MBD2: variants seen among roughly 807,000 people sequenced by gnomAD.
MBD2 encodes methyl-CpG-binding domain protein 2.
MBD2 carries 9 observed loss-of-function variants against 39.3 expected under a neutral mutation model. The observed-to-expected ratio is 0.23, with a 90% CI of 0.14 to 0.40. MBD2 has a LOEUF of 0.40. MBD2 is among the 10% of genes least tolerant of loss of function. The pLI, the probability that MBD2 is intolerant of heterozygous loss-of-function variation, is 1.00. For missense variants in MBD2, 458 were observed against 532.6 expected, an observed-to-expected ratio of 0.86 and a Z score of 1.38; for synonymous variants, 233 against 211.1, an observed-to-expected ratio of 1.10 and a Z score of -0.90.
At chr18:54,167,342 T>C (rs645961) in intron 3 of MBD2, among the ~76,000 whole-genome samples, 6,474 of 152,150 alleles carry the variant, frequency 0.043, 431 homozygotes, top group African/African-American at 0.15. Flanking sequence ...GCTGCAACAC[T>C]CTCCATCTCT....
At chr18:54,223,100 C>T (rs2086629140) in intron 1 of MBD2, among the ~76,000 whole-genome samples, 1 of 152,240 alleles carries the variant, frequency 6.6e-6, no homozygotes, top group Non-Finnish European at 1.5e-5. Context: ...CTATCAATAG[C>T]ATGGCTTATT....
intron 2 of MBD2, among the ~76,000 whole-genome samples, chr18:54,190,466 C>T (rs1270721993): frequency 6.6e-6 from 1 of 152,180 alleles, no homozygotes; most frequent in Non-Finnish European, 1.5e-5. Flanking sequence ...TGGGGTCCCG[C>T]CTGGCACCCT....
intron 3 of MBD2, among the ~76,000 whole-genome samples, chr18:54,175,369 C>T (rs978717415): frequency 2.0e-5 from 3 of 152,212 alleles, no homozygotes; most frequent in African/African-American, 4.8e-5. Context: ...CTATGAACAT[C>T]GTCCTTTCCA....
intron 2 of MBD2, among the ~76,000 whole-genome samples, chr18:54,201,676 C>G (rs1206891646): frequency 1.3e-5 from 2 of 151,960 alleles, no homozygotes; most frequent in Non-Finnish European, 2.9e-5. Context: ...TCCTGGCTAA[C>G]ACGGTGAAAC....
rs1340411664 is a variant in MBD2, at chr18:54,224,512, C to T, written c.48G>A (p.Glu16=). 4 of 1,234,652 alleles carry T rather than the reference C, an allele frequency of 3.2e-6. No homozygotes were observed. Among genetic ancestry groups the T allele is most frequent in the Admixed American group, 8.3e-5 (2 of 24,138 alleles). 76.5% of individuals were successfully genotyped at this position (1,234,652 alleles called of 1,614,324 possible). Residue 16 remains glutamate (E), a synonymous_variant, in exon 1 of 7, where the codon GAG becomes GAA. Coordinates refer to ENST00000256429, the MANE Select transcript of MBD2 (RefSeq NM_003927.5). Reference sequence around the variant, plus strand: ...CGCTGCCGCCCGCCGCACTCTCCCCCTCCTCCTGCTCCGGGCAGCAGCGGC... The same window carrying T: ...CGCTGCCGCCCGCCGCACTCTCCCCTTCCTCCTGCTCCGGGCAGCAGCGGC... ...GGGRCCPEQE[E]GESAAGGSGA...
intron 1 of MBD2, among the ~76,000 whole-genome samples, chr18:54,211,892 G>A (rs1242865285): frequency 1.3e-5 from 2 of 148,520 alleles, no homozygotes; most frequent in Non-Finnish European, 3.0e-5. Context: ...GTCTCGCACT[G>A]TAGCCCAGGC....
chr18:54,202,752 TA>T, intron 2 of MBD2: 1 of 1,445,016 alleles, frequency 6.9e-7, no homozygotes, highest in Non-Finnish European at 9.1e-7. Flanking sequence ...AGGTGGATGG[TA>T]AATCAAATAA....
intron 1 of MBD2, among the ~76,000 whole-genome samples, chr18:54,210,274 C>A (rs1048164723): frequency 1.3e-5 from 2 of 152,086 alleles, no homozygotes; most frequent in Middle Eastern, 3.2e-3. Flanking sequence ...AGGAACATTT[C>A]ATCACTTAAA....
Position 54,224,181 on chromosome 18 carries a change from C to A in MBD2, c.379G>T (p.Val127Phe). 1 of 1,246,016 alleles carries A rather than the reference C, an allele frequency of 8.0e-7. No homozygotes were observed. Among genetic ancestry groups the A allele is most frequent in the African/African-American group, 1.6e-5 (1 of 64,262 alleles). The allele number at this position is 1,246,016 out of a possible 1,614,324, so 77.2% of individuals were successfully genotyped here. Residue 127 changes from valine to phenylalanine, a missense_variant, in exon 1 of 7, where the codon GTC (valine) becomes TTC (phenylalanine). Around this residue, in one of 2 missense-constraint regions of MBD2, gnomAD observed 269 missense variants for 236.0 expected, o/e 1.14. Coordinates refer to ENST00000256429, the MANE Select transcript of MBD2 (RefSeq NM_003927.5). ...CCCGCGCTCCCCGACGGGAAAGGGA[C>A]CGGCTCCCGCCGGGGGGCGCCGCCG... ...GGGGAPRREPVPFPSGSAGPG... is the reference protein window; with the variant it reads ...GGGGAPRREPFPFPSGSAGPG...
intron 3 of MBD2, among the ~76,000 whole-genome samples, chr18:54,167,645 A>C (rs1317344476): frequency 6.6e-6 from 1 of 152,224 alleles, no homozygotes; most frequent in African/African-American, 2.4e-5. Context: ...AATTCTATTT[A>C]TGTCAGAAGA....
rs913711043 is a variant in MBD2 at position 54,153,522 on chromosome 18, A to T, written c.*1802T>A. 6.6e-6 allele frequency: 1 copy of T among 152,216 alleles called. No homozygotes were observed. Among genetic ancestry groups the T allele is most frequent in the African/African-American group, 2.4e-5 (1 of 41,438 alleles). The allele number at this position is 152,216 out of a possible 1,614,324, so 9.4% of individuals were successfully genotyped here. A position where few individuals can be genotyped will look rare whatever the true frequency, so the allele number is the denominator to read the frequency against. On this transcript the variant is annotated 3_prime_UTR_variant, in exon 7 of 7. Coordinates refer to ENST00000256429, the MANE Select transcript of MBD2 (RefSeq NM_003927.5). Reference sequence around the variant, plus strand: ...GTTTTTGCTTTTACAAGCTGTTTAGAAAAGCACATATATCTTGGCTGGATT... The same window carrying T: ...GTTTTTGCTTTTACAAGCTGTTTAGTAAAGCACATATATCTTGGCTGGATT...
chr18:54,217,503 C>T (rs983006317), intron 1 of MBD2, among the ~76,000 whole-genome samples: 1 of 152,138 alleles, frequency 6.6e-6, no homozygotes, highest in Admixed American at 6.6e-5. Context: ...CATTAAGATT[C>T]CCAGCCAAAC....
At chr18:54,205,247 C>T (rs2086439438) in intron 1 of MBD2, 90 bp from the exon 2 acceptor site, 1 of 1,089,666 alleles carries the variant, frequency 9.2e-7, no homozygotes, top group Non-Finnish European at 1.3e-6. Flanking sequence ...TCAATTGATA[C>T]CCCATTCTAA....
In MBD2 at chr18:54,168,572, CATAT is replaced by C. The variant is rs56174434; in HGVS notation, c.841-2410_841-2407del. Among the ~76,000 whole-genome samples, 336 of 114,856 alleles carry C rather than the reference CATAT, an allele frequency of 2.9e-3. 14 individuals are homozygous for C. Among genetic ancestry groups the C allele is most frequent in the South Asian group, 0.012 (46 of 3,818 alleles). The allele number at this position is 114,856 out of a possible 152,430, so 75.3% of individuals were successfully genotyped here. The stretch of plus-strand genomic sequence containing the variant: ...TTGTTATGCCATGAAAATGGAGATA[CATAT>C]ATATATATATATATATATATATTTA... On this transcript the variant is annotated intron_variant, in intron 3 of 6. Coordinates refer to ENST00000256429, the MANE Select transcript of MBD2 (RefSeq NM_003927.5).
At chr18:54,175,586 C>T (rs2086206393) in intron 3 of MBD2, among the ~76,000 whole-genome samples, 1 of 152,224 alleles carries the variant, frequency 6.6e-6, no homozygotes, top group African/African-American at 2.4e-5. Context: ...ACACTGACAA[C>T]TTAAAACATG....
intron 1 of MBD2, among the ~76,000 whole-genome samples, chr18:54,217,533 T>C (rs1030882057): frequency 1.3e-5 from 2 of 152,230 alleles, no homozygotes; most frequent in Admixed American, 6.5e-5. Context: ...AGGAAGAGTT[T>C]ATGGTTTATT....
At chr18:54,204,327 G>A (rs961840303) in intron 2 of MBD2, among the ~76,000 whole-genome samples, 2 of 152,096 alleles carry the variant, frequency 1.3e-5, no homozygotes, top group Non-Finnish European at 1.5e-5. Flanking sequence ...AAAGATATTG[G>A]GTCCTTTAAC....
chr18:54,196,023 G>A (rs1198974057), intron 2 of MBD2, among the ~76,000 whole-genome samples: 1 of 152,076 alleles, frequency 6.6e-6, no homozygotes, highest in East Asian at 1.9e-4. Flanking sequence ...TGCCAACAAT[G>A]GAAAGTGCCT....
chr18:54,194,332 T>C (rs2086347394), intron 2 of MBD2, among the ~76,000 whole-genome samples: 1 of 152,094 alleles, frequency 6.6e-6, no homozygotes, highest in South Asian at 2.1e-4. Context: ...AAATTTTCAT[T>C]CCCTTTACTC....
Sources: gnomAD v4.1 joint callset for allele counts (sites outside exome capture counted in the v4.1 genomes callset) on GRCh38, gnomAD v4.1.1 for gene constraint, gnomAD v4.1.1 regional missense constraint, MANE v1.5 for transcripts, NCBI Gene and HGNC (gene_info 2026-07-23, HGNC 2026-07-21) for gene names.